KLKB1: variants seen among roughly 807,000 people sequenced by gnomAD.
KLKB1 encodes plasma kallikrein.
A neutral mutation model predicts 73.6 loss-of-function variants in KLKB1; 58 were observed. The ratio of observed to expected loss-of-function variants is 0.79; its 90% CI spans 0.64 to 0.98. The LOEUF (loss-of-function observed/expected upper bound fraction) is 0.98, where lower values mean the gene tolerates loss of function less well. KLKB1 is among the 50% of genes least tolerant of loss of function. The pLI is 0.00. For synonymous variants in KLKB1, 280 were observed against 258.1 expected, an observed-to-expected ratio of 1.08 and a Z score of -0.81; for missense variants, 737 against 763.8, an observed-to-expected ratio of 0.96 and a Z score of 0.41.
intron 6 of KLKB1, among the ~76,000 whole-genome samples, chr4:186,241,922 T>G (rs1738070882): frequency 6.6e-6 from 1 of 152,154 alleles, no homozygotes. Context: ...TTTAACAGGT[T>G]AGGACATTGG....
intron 2 of KLKB1, among the ~76,000 whole-genome samples, chr4:186,213,940 G>A (rs1482438792): frequency 3.9e-5 from 6 of 152,172 alleles, no homozygotes; most frequent in South Asian, 2.1e-4. Context: ...ATGAATTACC[G>A]GCTTTTCTTC....
chr4:186,251,121 G>A, intron 7 of KLKB1, 98 bp from the exon 8 acceptor site: 1 of 740,868 alleles, frequency 1.3e-6, no homozygotes, highest in Non-Finnish European at 2.4e-6. Flanking sequence ...AATAAAATTT[G>A]CTGCGTTGCT....
chr4:186,222,144 G>A (rs1737046611), upstream of KLKB1, among the ~76,000 whole-genome samples: 1 of 152,134 alleles, frequency 6.6e-6, no homozygotes, highest in South Asian at 2.1e-4. Context: ...TCCAGCTTAT[G>A]TCTGTCCTTA....
chr4:186,215,571 A>AT (rs1172367903), intron 2 of KLKB1, among the ~76,000 whole-genome samples: 1 of 151,206 alleles, frequency 6.6e-6, no homozygotes, highest in Non-Finnish European at 1.5e-5. Context: ...TTATTTATTT[A>AT]TTTATTTATT....
intron 6 of KLKB1, among the ~76,000 whole-genome samples, chr4:186,240,428 G>A (rs375648167): frequency 2.0e-5 from 3 of 152,118 alleles, no homozygotes; most frequent in African/African-American, 7.2e-5. Context: ...TCATTCCTTG[G>A]TTGTGTCCCT....
chr4:186,252,297 C>T (rs910400424), intron 11 of KLKB1, 112 bp downstream of exon 11: 75 of 1,164,834 alleles, frequency 6.4e-5, no homozygotes, highest in Admixed American at 2.6e-4. Context: ...CGTGTTAAAG[C>T]GGGGATGGTA....
intron 11 of KLKB1, among the ~76,000 whole-genome samples, chr4:186,254,144 T>C (rs184582107): frequency 1.9e-4 from 29 of 152,334 alleles, no homozygotes; most frequent in Non-Finnish European, 4.0e-4. Context: ...TATAGAGATA[T>C]TTTAAACAAC....
At chr4:186,257,989 T>G (rs1353851433) in intron 14 of KLKB1, 32 bp from the exon 15 acceptor site, 1 of 1,602,546 alleles carries the variant, frequency 6.2e-7, no homozygotes, top group African/African-American at 1.3e-5. Flanking sequence ...TGTCGTAACT[T>G]TCTACTATTT....
upstream of KLKB1, among the ~76,000 whole-genome samples, chr4:186,226,119 G>T (rs1737159703): frequency 6.6e-6 from 1 of 151,238 alleles, no homozygotes; most frequent in African/African-American, 2.4e-5. Flanking sequence ...TCTTTTTTAT[G>T]GTTCCTATCT....
chr4:186,235,887 G>A (rs965763188), intron 4 of KLKB1, among the ~76,000 whole-genome samples: 15 of 151,654 alleles, frequency 9.9e-5, no homozygotes, highest in African/African-American at 3.1e-4. Context: ...AGGCCGAGAC[G>A]GGCGGATCAC....
rs576369009 is a variant in KLKB1, at chr4:186,254,904, G to C, written c.1489+141G>C. 8.8e-5 allele frequency: 62 copies of C among 705,934 alleles called. No individual in the cohort carries two copies. The African/African-American group carries it at 1.0e-3, about 11-fold the overall frequency. 43.7% of individuals were successfully genotyped at this position (705,934 alleles called of 1,614,324 possible). On this transcript the variant is annotated intron_variant, in intron 12 of 14. Transcript: ENST00000264690. ...TTGAGGGAAACGTGAGGGTTGCTGGGAAGTGAAGACCCCGCGACTTGCCGT... is the reference window on the plus strand; with the variant it reads ...TTGAGGGAAACGTGAGGGTTGCTGGCAAGTGAAGACCCCGCGACTTGCCGT...
chr4:186,226,857 T>A (rs1218397629), upstream of KLKB1, among the ~76,000 whole-genome samples: 1 of 151,998 alleles, frequency 6.6e-6, no homozygotes, highest in Non-Finnish European at 1.5e-5. Flanking sequence ...GGGGCTAACG[T>A]GGAGGCTAGA....
In KLKB1 at chr4:186,257,222, A is replaced by G. The variant is rs753190919; in HGVS notation, c.1586-4A>G. ...CTCTGAGGTTATATATTGGTTACTC[A>G]CAGGTGAAATCCAAAATATTCTACA... On this transcript the variant is annotated splice_polypyrimidine_tract_variant and splice_region_variant and intron_variant, in intron 13 of 14. Coordinates refer to ENST00000264690, the MANE Select transcript of KLKB1 (RefSeq NM_000892.5). 7.1e-6 allele frequency: 11 copies of G among 1,557,778 alleles called. No individual in the cohort carries two copies. The highest frequency in any genetic ancestry group is 1.2e-5 in the South Asian group (1 of 85,752).
intron 6 of KLKB1, among the ~76,000 whole-genome samples, 186 bp downstream of exon 6, chr4:186,238,551 A>G (rs1044495660): frequency 1.3e-5 from 2 of 152,176 alleles, no homozygotes; most frequent in Admixed American, 6.5e-5. Context: ...AATGGGCCCA[A>G]TGTACTCACA....
At position 186,258,320 on chromosome 4, in the gene KLKB1, C is replaced by T; in HGVS notation, c.*108C>T. ...TGGAGAGTGGCATCTTCTTTGCATC[C>T]TAAGGACGAAAAACACAGTGCACTC... On this transcript the variant is annotated 3_prime_UTR_variant, in exon 15 of 15. Coordinates refer to ENST00000264690, the MANE Select transcript of KLKB1 (RefSeq NM_000892.5). 1.0e-6 allele frequency: 1 copy of T among 999,284 alleles called. No individual in the cohort carries two copies. The highest frequency in any genetic ancestry group is 1.4e-5 in the South Asian group (1 of 72,602). The allele number at this position is 999,284 out of a possible 1,614,324, so 61.9% of individuals were successfully genotyped here. A position where few individuals can be genotyped will look rare whatever the true frequency, so the allele number is the denominator to read the frequency against.
At chr4:186,224,628 T>C (rs1737112718), upstream of KLKB1, among the ~76,000 whole-genome samples, 1 of 152,236 alleles carries the variant, frequency 6.6e-6, no homozygotes, top group Admixed American at 6.5e-5. Flanking sequence ...TGTACCCACA[T>C]TGTGTTTTGG....
chr4:186,256,700 C>T (rs1406231411), intron 13 of KLKB1, among the ~76,000 whole-genome samples: 1 of 152,050 alleles, frequency 6.6e-6, no homozygotes, highest in African/African-American at 2.4e-5. Flanking sequence ...AACAAAAGAC[C>T]CCTCTGTTGC....
chr4:186,235,853 C>A (rs953290390), intron 4 of KLKB1, among the ~76,000 whole-genome samples: 2 of 151,714 alleles, frequency 1.3e-5, no homozygotes, highest in African/African-American at 4.8e-5. Context: ...CGGTGGCTCA[C>A]GCCTGTAATC....
chr4:186,245,534 C>T (rs1434169411), intron 6 of KLKB1, among the ~76,000 whole-genome samples: 3 of 152,140 alleles, frequency 2.0e-5, no homozygotes, highest in Admixed American at 1.3e-4. Context: ...AGGCTGCGGG[C>T]ATTCCTTGGC....
Sources: allele counts gnomAD v4.1 joint callset (sites outside exome capture counted in the v4.1 genomes callset), GRCh38; gene constraint gnomAD v4.1.1; transcripts MANE v1.5; gene names NCBI Gene and HGNC (gene_info 2026-07-23, HGNC 2026-07-21).